Variants in ASIC5 observed in about 807,000 individuals in gnomAD.
ASIC5 encodes the protein bile acid-sensitive ion channel.
In ASIC5, 52 loss-of-function variants were observed where a neutral mutation model predicts 51.2. The observed-to-expected ratio is 1.02, with a 90% CI of 0.81 to 1.28. The LOEUF is 1.28. Ranked by LOEUF, ASIC5 falls within the 50% of genes most tolerant of loss-of-function variation. The pLI is 0.00. For missense variants in ASIC5, 635 were observed against 595.0 expected (o/e 1.07, Z -0.70); for synonymous variants, 231 against 200.7 (o/e 1.15, Z -1.28).
intron 2 of ASIC5, among the ~76,000 whole-genome samples, chr4:155,856,046 C>T (rs1455448806): frequency 6.6e-6 from 1 of 152,050 alleles, no homozygotes; most frequent in Non-Finnish European, 1.5e-5. Context: ...AGTCAAGCCT[C>T]TTCCTTTCTC....
chr4:155,846,565 GAA>G (rs1244833551), intron 4 of ASIC5, among the ~76,000 whole-genome samples: 1 of 152,098 alleles, frequency 6.6e-6, no homozygotes, highest in Admixed American at 6.6e-5. Context: ...GTCCAGGAAT[GAA>G]CAAGGACAGC....
rs1185729648 is a variant in ASIC5 at position 155,863,437 on chromosome 4, G to T, written c.347+11C>A. On this transcript the variant is annotated intron_variant, in intron 2 of 9. Coordinates refer to ENST00000537611, the MANE Select transcript of ASIC5 (RefSeq NM_017419.3). The stretch of plus-strand genomic sequence containing the variant: ...ATAGGAACTAATTATTTTTAAAAAA[G>T]TAATTTTTACCTGTTCAAATTACAA... The T allele has an allele frequency of 1.3e-6, 2 of 1,589,480 alleles. No individual in the cohort carries two copies. Among genetic ancestry groups the T allele is most frequent in the Admixed American group, 1.7e-5 (1 of 57,418 alleles).
chr4:155,859,670 G>A (rs1049138753), intron 2 of ASIC5, among the ~76,000 whole-genome samples: 1 of 151,950 alleles, frequency 6.6e-6, no homozygotes, highest in African/African-American at 2.4e-5. Flanking sequence ...ATGCAACTTA[G>A]AACAATGGGC....
In ASIC5 at chr4:155,852,345, C is replaced by A. The variant is rs367716260; in HGVS notation, c.586-29G>T. 346 of 1,565,052 alleles carry A rather than the reference C, an allele frequency of 2.2e-4. No individual in the cohort carries two copies. The African/African-American group carries it at 3.8e-3, about 17-fold the overall frequency. On this transcript the variant is annotated intron_variant, in intron 3 of 9. Coordinates refer to ENST00000537611, the MANE Select transcript of ASIC5 (RefSeq NM_017419.3). Reference sequence around the variant, plus strand: ...CAATATGTAAATGAACCAAAAAAAACCATCAATTTGATATTTTTGTCACTT... The same window carrying A: ...CAATATGTAAATGAACCAAAAAAAAACATCAATTTGATATTTTTGTCACTT...
chr4:155,846,863 A>AG (rs1741254529), intron 4 of ASIC5, among the ~76,000 whole-genome samples: 1 of 152,084 alleles, frequency 6.6e-6, no homozygotes, highest in Admixed American at 6.6e-5. Flanking sequence ...TGCTAAAAAA[A>AG]AGTGTGTCCT....
In ASIC5 at chr4:155,852,175, G is replaced by A. The variant is rs1189020276; in HGVS notation, c.711+16C>T. On this transcript the variant is annotated intron_variant, in intron 4 of 9. Transcript: ENST00000537611. Reference sequence around the variant, plus strand: ...ACACATTCTCGTTTGTCTTGAACCTGGAGAAAATTCAGTACCTGATTCACA... The same window carrying A: ...ACACATTCTCGTTTGTCTTGAACCTAGAGAAAATTCAGTACCTGATTCACA... 1 of 1,611,560 alleles carries A rather than the reference G, an allele frequency of 6.2e-7. No homozygotes were observed. Among genetic ancestry groups the A allele is most frequent in the South Asian group, 1.1e-5 (1 of 90,962 alleles).
intron 4 of ASIC5, 106 bp downstream of exon 4, chr4:155,852,085 T>C: frequency 7.9e-7 from 1 of 1,272,918 alleles, no homozygotes; most frequent in East Asian, 2.5e-5. Context: ...AAAACTGAAA[T>C]AATATCCAAT....
chr4:155,862,333 G>C (rs1283332105), intron 2 of ASIC5, among the ~76,000 whole-genome samples: 1 of 152,046 alleles, frequency 6.6e-6, no homozygotes, highest in Non-Finnish European at 1.5e-5. Context: ...TGTTCTAGAA[G>C]TCCCCCAGGA....
At chr4:155,862,849 C>T (rs541425930) in intron 2 of ASIC5, among the ~76,000 whole-genome samples, 18 of 152,294 alleles carry the variant, frequency 1.2e-4, no homozygotes, top group African/African-American at 4.3e-4. Flanking sequence ...ATTTCTTCTT[C>T]ATCTCCACTT....
In ASIC5 at chr4:155,843,694, A is replaced by T. The variant is rs1192643966; in HGVS notation, c.848T>A (p.Ile283Asn). 6.2e-7 allele frequency: 1 copy of T among 1,613,320 alleles called. No individual in the cohort carries two copies. The highest frequency in any genetic ancestry group is 1.3e-5 in the African/African-American group (1 of 74,848). The change falls in exon 5 of 10, where the codon ATC (isoleucine) becomes AAC (asparagine). Residue 283 changes from isoleucine to asparagine, a missense_variant. Physicochemically the swap from Ile to Asn is moderately radical, Grantham distance 149. Transcript: ENST00000537611. ...SPVGMHARVT[I>N]RQVKTVHQEY... ...TCGAGTATTTACCTTCACTTGGCGG[A>T]TGGTTACCCTTGCGTGCATTCCCAC... is the stretch of plus-strand genomic sequence containing the variant.
chr4:155,861,072 T>G lies in ASIC5; in HGVS notation c.347+2376A>C, dbSNP rs187882426. Among the ~76,000 whole-genome samples, 672 of 152,074 alleles carry G rather than the reference T, an allele frequency of 4.4e-3. 4 individuals are homozygous for G. Among genetic ancestry groups the G allele is most frequent in the African/African-American group, 0.016 (647 of 41,562 alleles). The stretch of plus-strand genomic sequence containing the variant: ...TATTTGTGAATATCCCAAATTAATT[T>G]TGATTATTGACCTCTAATTTTATTC... On this transcript the variant is annotated intron_variant, in intron 2 of 9. Transcript: ENST00000537611.
intron 2 of ASIC5, among the ~76,000 whole-genome samples, chr4:155,856,975 CTAA>C (rs1186202604): frequency 2.0e-5 from 3 of 151,728 alleles, no homozygotes; most frequent in African/African-American, 7.3e-5. Context: ...TTTTATTATA[CTAA>C]TAATATTTGA....
intron 6 of ASIC5, among the ~76,000 whole-genome samples, chr4:155,839,367 A>G (rs992171197): frequency 1.3e-5 from 2 of 151,614 alleles, no homozygotes. Flanking sequence ...ACACACACAC[A>G]CACACACACA....
At chr4:155,863,401 C>T in intron 2 of ASIC5, 47 bp downstream of exon 2, 2 of 1,426,898 alleles carry the variant, frequency 1.4e-6, no homozygotes, top group East Asian at 2.5e-5. Context: ...AAAGATTATA[C>T]TAGCAAATTT....
chr4:155,831,031 C>T (rs1740859776), intron 9 of ASIC5, among the ~76,000 whole-genome samples: 1 of 152,180 alleles, frequency 6.6e-6, no homozygotes, highest in Non-Finnish European at 1.5e-5. Flanking sequence ...TCTTCTGTCT[C>T]CGACACAGCT....
At chr4:155,845,593 C>T (rs184177721) in intron 4 of ASIC5, among the ~76,000 whole-genome samples, 100 of 152,120 alleles carry the variant, frequency 6.6e-4, no homozygotes, top group Non-Finnish European at 8.8e-4. Flanking sequence ...CAAAATAATT[C>T]TACCGTTTTT....
chr4:155,864,558 A>G (rs560399327), intron 1 of ASIC5: 1 of 152,118 alleles, frequency 6.6e-6, no homozygotes, highest in South Asian at 2.1e-4. Context: ...AATATAGTTA[A>G]GAGCATGAGA....
chr4:155,866,260 A>C lies in ASIC5; in HGVS notation c.-34T>G. On this transcript the variant is annotated 5_prime_UTR_variant, in exon 1 of 10. It introduces an in-frame stop codon into an upstream open reading frame of the 5' UTR. Coordinates refer to ENST00000537611, the MANE Select transcript of ASIC5 (RefSeq NM_017419.3). ...TCAGTTAAGCAAGAGTCCTCAGGGT[A>C]ACCCAATTTTCATCAATAACAGTAT... The C allele has an allele frequency of 6.4e-7, 1 of 1,559,464 alleles. No homozygotes were observed.
intron 3 of ASIC5, 35 bp from the exon 4 acceptor site, chr4:155,852,351 A>AT: frequency 6.4e-7 from 1 of 1,565,276 alleles, no homozygotes; most frequent in Non-Finnish European, 8.6e-7. Context: ...AAAACCATCA[A>AT]TTTGATATTT....
Sources: allele counts gnomAD v4.1 joint callset (sites outside exome capture counted in the v4.1 genomes callset), GRCh38; gene constraint gnomAD v4.1.1; transcripts MANE v1.5; gene names NCBI Gene and HGNC (gene_info 2026-07-23, HGNC 2026-07-21).